The following ZFP91 variants were observed in gnomAD, a reference collection of about 807,000 sequenced individuals.
The protein encoded by ZFP91 is ZFP91 zinc finger protein, atypical E3 ubiquitin ligase.
ZFP91 carries 7 observed loss-of-function variants against 63.5 expected under a neutral mutation model. That is an observed-to-expected ratio of 0.11 (90% CI 0.06 to 0.21). The LOEUF is 0.21. ZFP91 is among the 10% of genes least tolerant of loss of function. The pLI is 1.00. For synonymous variants in ZFP91, 330 were observed against 272.1 expected (o/e 1.21, Z -2.10); for missense variants, 628 against 736.6 (o/e 0.85, Z 1.71).
intron 2 of ZFP91, among the ~76,000 whole-genome samples, chr11:58,597,531 A>C (rs1449444336): frequency 1.3e-5 from 2 of 152,130 alleles, no homozygotes; most frequent in Admixed American, 6.5e-5. Flanking sequence ...GAAATTATCA[A>C]ACCATTCTTT....
intron 4 of ZFP91, 131 bp downstream of exon 4, chr11:58,610,465 GC>G: frequency 1.3e-6 from 1 of 791,702 alleles, no homozygotes. Flanking sequence ...TTTTGATACT[GC>G]ATTTAGATTC....
intron 2 of ZFP91, among the ~76,000 whole-genome samples, chr11:58,596,405 T>C (rs1451162841): frequency 6.6e-6 from 1 of 152,216 alleles, no homozygotes; most frequent in Non-Finnish European, 1.5e-5. Context: ...TTCTACACTT[T>C]AACCATTTGC....
intron 2 of ZFP91, among the ~76,000 whole-genome samples, chr11:58,585,232 G>A (rs1404108455): frequency 6.6e-6 from 1 of 152,008 alleles, no homozygotes; most frequent in African/African-American, 2.4e-5. Flanking sequence ...AAAATTACAG[G>A]GTGAAGAATG....
At chr11:58,609,769 A>G (rs1855626562) in intron 2 of ZFP91, 61 bp from the exon 3 acceptor site, 7 of 1,429,762 alleles carry the variant, frequency 4.9e-6, no homozygotes, top group Non-Finnish European at 6.9e-6. Flanking sequence ...ATTAGTAGAT[A>G]TACAGGGATG....
intron 1 of ZFP91, among the ~76,000 whole-genome samples, chr11:58,584,010 G>A (rs1431901842): frequency 6.6e-6 from 1 of 151,956 alleles, no homozygotes; most frequent in African/African-American, 2.4e-5. Context: ...AATTTTAGTA[G>A]TAAGTATAGG....
rs369735116 is a variant in ZFP91, at chr11:58,614,365, C to G, written c.1102+22C>G. 1.3e-4 allele frequency: 197 copies of G among 1,550,104 alleles called. 2 individuals are homozygous for G. The highest frequency in any genetic ancestry group is 1.2e-3 in the East Asian group (54 of 44,328). ...ACAGGTACTTTTAAAATGTGTTTAT[C>G]AAGTAGGTAATTGCACTGTGCTTTA... On this transcript the variant is annotated intron_variant, in intron 9 of 10. Coordinates refer to ENST00000316059, the MANE Select transcript of ZFP91 (RefSeq NM_053023.5).
At chr11:58,612,709 C>G (rs550620230) in intron 7 of ZFP91, 53 bp from the exon 8 acceptor site, 746 of 1,389,722 alleles carry the variant, frequency 5.4e-4, no homozygotes, top group Non-Finnish European at 6.9e-4. Flanking sequence ...GGCCACTGTG[C>G]AGAGTACCAC....
At chr11:58,605,530 A>C (rs1403160554) in intron 2 of ZFP91, among the ~76,000 whole-genome samples, 2 of 151,754 alleles carry the variant, frequency 1.3e-5, no homozygotes, top group Non-Finnish European at 2.9e-5. Flanking sequence ...TTTAAAGAAT[A>C]GTTTCGGCAG....
intron 5 of ZFP91, chr11:58,611,310 G>T (rs1017898467): frequency 2.1e-6 from 1 of 481,478 alleles, no homozygotes; most frequent in Non-Finnish European, 3.6e-6. Context: ...AAGGTATCAT[G>T]AATTGCCTGA....
intron 2 of ZFP91, among the ~76,000 whole-genome samples, chr11:58,596,275 G>A (rs552400447): frequency 3.3e-5 from 5 of 152,272 alleles, no homozygotes; most frequent in Non-Finnish European, 5.9e-5. Context: ...AAGAAGAATC[G>A]TTACTCTTAT....
chr11:58,584,735 G>A (rs1855175406), intron 1 of ZFP91, 121 bp from the exon 2 acceptor site: 2 of 873,038 alleles, frequency 2.3e-6, no homozygotes, highest in African/African-American at 3.6e-5. Flanking sequence ...TGAAAATTCT[G>A]TAGGACAACA....
Position 58,617,634 on chromosome 11 carries a change from G to T in ZFP91, c.1641G>T (p.Leu547=), listed in dbSNP as rs1855771419. The change falls in exon 11 of 11, where the codon CTG becomes CTT. Residue 547 remains leucine (L), a synonymous_variant. Transcript: ENST00000316059. The surrounding 1 kb of genome is among the most constrained non-coding windows in gnomAD (Gnocchi z 4.2). ...GSGSSGGTEG[L]VMNSDILGAT... is the part of the protein sequence containing the mutation. ...GCAGCAGTGGAGGCACTGAAGGGCT[G>T]GTTATGAACTCAGATATACTCGGTG... 4 of 1,580,772 alleles carry T rather than the reference G, an allele frequency of 2.5e-6. No individual in the cohort carries two copies. The highest frequency in any genetic ancestry group is 3.4e-6 in the Non-Finnish European group (4 of 1,164,648).
intron 9 of ZFP91, among the ~76,000 whole-genome samples, chr11:58,615,695 T>A (rs904956358): frequency 6.6e-6 from 1 of 152,190 alleles, no homozygotes; most frequent in Non-Finnish European, 1.5e-5. Context: ...CAACCAGCAT[T>A]GACATCATTT....
intron 2 of ZFP91, among the ~76,000 whole-genome samples, chr11:58,587,831 A>G (rs2134392544): frequency 6.6e-6 from 1 of 152,246 alleles, no homozygotes; most frequent in Non-Finnish European, 1.5e-5. Flanking sequence ...AATAGTTAAA[A>G]CTGCCTCTCA....
chr11:58,605,560 C>T (rs573387767), intron 2 of ZFP91, among the ~76,000 whole-genome samples: 91 of 147,950 alleles, frequency 6.2e-4, no homozygotes, highest in African/African-American at 2.1e-3. Flanking sequence ...TCTTGCTTGA[C>T]GATTTTTTTT....
intron 2 of ZFP91, among the ~76,000 whole-genome samples, chr11:58,585,566 C>T (rs1322013587): frequency 6.6e-6 from 1 of 152,076 alleles, no homozygotes; most frequent in Non-Finnish European, 1.5e-5. Context: ...AACAAATATA[C>T]TTTTAGGCAC....
intron 2 of ZFP91, among the ~76,000 whole-genome samples, chr11:58,590,412 T>C (rs1414059626): frequency 1.3e-5 from 2 of 152,260 alleles, no homozygotes; most frequent in Non-Finnish European, 2.9e-5. Context: ...CCCCTCCTCA[T>C]TGGTCATTCA....
chr11:58,595,628 A>G (rs1855385319), intron 2 of ZFP91, among the ~76,000 whole-genome samples: 1 of 149,636 alleles, frequency 6.7e-6, no homozygotes, highest in South Asian at 2.1e-4. Context: ...CCCAGGCTGG[A>G]ATGCAGTGGT....
In ZFP91 at chr11:58,579,425, C is replaced by T. The variant is rs768781406; in HGVS notation, c.144C>T (p.Arg48=). 63 of 1,442,242 alleles carry T rather than the reference C, an allele frequency of 4.4e-5. 1 individual carries two copies. In the South Asian group the frequency reaches 7.3e-4, roughly 17 times the overall value. The allele number at this position is 1,442,242 out of a possible 1,614,324, so 89.3% of individuals were successfully genotyped here. A position where few individuals can be genotyped will look rare whatever the true frequency, so the allele number is the denominator to read the frequency against. The change falls in exon 1 of 11, where the codon CGC becomes CGT. Residue 48 remains arginine (R), a synonymous_variant. Transcript: ENST00000316059. ...AAAPAGTTSS[R]VLRGGRDRGR... ...CGCCTGCAGGGACCACTAGCAGCCGCGTGCTGAGGGGAGGTCGGGACCGAG... is the reference window on the plus strand; with the variant it reads ...CGCCTGCAGGGACCACTAGCAGCCGTGTGCTGAGGGGAGGTCGGGACCGAG...
Sources: allele counts gnomAD v4.1 joint callset (sites outside exome capture counted in the v4.1 genomes callset), GRCh38; gene constraint gnomAD v4.1.1; non-coding constraint Gnocchi (gnomAD v3.1); transcripts MANE v1.5; gene names NCBI Gene and HGNC (gene_info 2026-07-23, HGNC 2026-07-21).